The following B3GALT1 variants were observed in gnomAD, a reference collection of about 807,000 sequenced individuals.
The protein encoded by B3GALT1 is UDP-Gal:betaGlcNAc beta 1,3-galactosyltransferase, polypeptide 1.
Under a neutral mutation model 23.2 loss-of-function variants are expected in B3GALT1, and 10 were observed. That is an observed-to-expected ratio of 0.43 (90% CI 0.27 to 0.73). The LOEUF (loss-of-function observed/expected upper bound fraction) is 0.73, where lower values mean the gene tolerates loss of function less well. Ranked by LOEUF, B3GALT1 falls within the 30% of genes least tolerant of loss-of-function variation. The probability of loss-of-function intolerance (pLI) is 0.21; values close to 1 mark genes in which losing one functional copy is unlikely to be tolerated. For synonymous variants in B3GALT1, 156 were observed against 141.5 expected (o/e 1.10, Z -0.73); for missense variants, 299 against 405.4 (o/e 0.74, Z 2.25).
intron 4 of B3GALT1, among the ~76,000 whole-genome samples, 140 bp from the exon 5 acceptor site, chr2:167,868,671 A>G (rs1365256214): frequency 6.6e-6 from 1 of 152,138 alleles, no homozygotes; most frequent in Non-Finnish European, 1.5e-5. Flanking sequence ...TATGACAGGA[A>G]GTTTTTGGTA....
At chr2:167,668,493 C>T (rs59111998) in intron 3 of B3GALT1, among the ~76,000 whole-genome samples, 14,552 of 152,178 alleles carry the variant, frequency 0.096, 1,663 homozygotes, top group African/African-American at 0.25. Flanking sequence ...TCGAGCTTCC[C>T]GGCTGCTTTG....
intron 1 of B3GALT1, among the ~76,000 whole-genome samples, chr2:167,467,424 C>G (rs1699365592): frequency 6.6e-6 from 1 of 152,042 alleles, no homozygotes; most frequent in South Asian, 2.1e-4. Context: ...AATGTCACAT[C>G]AAGATTTTTA....
At chr2:167,516,560 G>A (rs1231863816) in intron 2 of B3GALT1, among the ~76,000 whole-genome samples, 3 of 151,806 alleles carry the variant, frequency 2.0e-5, no homozygotes, top group Non-Finnish European at 4.4e-5. Context: ...AACTCTATAG[G>A]CCTCTATATA....
rs1192676069 is a variant in B3GALT1 at position 167,871,935 on chromosome 2, T to C, written c.*1915T>C. The C allele has an allele frequency of 7.7e-6, 1 of 129,416 alleles. No individual in the cohort carries two copies. The highest frequency in any genetic ancestry group is 2.8e-5 in the African/African-American group (1 of 35,126). The allele number at this position is 129,416 out of a possible 1,614,324, so 8.0% of individuals were successfully genotyped here. On this transcript the variant is annotated 3_prime_UTR_variant, in exon 5 of 5. Transcript: ENST00000392690. ...TTTTTTTTTTGAGACGGAGTCTAGC[T>C]CTGTGGCCCAGGCGGGAGTGCAGTG...
rs1265054678 is a variant in B3GALT1, at chr2:167,873,124, T to C, written c.*3104T>C. On this transcript the variant is annotated 3_prime_UTR_variant, in exon 5 of 5. Transcript: ENST00000392690. ...CCCTGACATAAAATATGCAATGTTT[T>C]AGACAGTATTCTACCAAGAGTCTCT... 6.6e-6 allele frequency: 1 copy of C among 152,174 alleles called. No individual in the cohort carries two copies. Among genetic ancestry groups the C allele is most frequent in the Non-Finnish European group, 1.5e-5 (1 of 68,028 alleles). The allele number at this position is 152,174 out of a possible 1,614,324, so 9.4% of individuals were successfully genotyped here. A position where few individuals can be genotyped will look rare whatever the true frequency, so the allele number is the denominator to read the frequency against.
At chr2:167,735,354 T>C (rs1301263201) in intron 3 of B3GALT1, among the ~76,000 whole-genome samples, 1 of 152,226 alleles carries the variant, frequency 6.6e-6, no homozygotes, top group Non-Finnish European at 1.5e-5. Context: ...CTCCAGCATT[T>C]GGCAGATGAA....
At chr2:167,310,385 A>G (rs943404861) in intron 1 of B3GALT1, among the ~76,000 whole-genome samples, 4 of 152,240 alleles carry the variant, frequency 2.6e-5, no homozygotes, top group South Asian at 2.1e-4. Flanking sequence ...AGAAAGGGCA[A>G]AAACACTGAT....
intron 3 of B3GALT1, among the ~76,000 whole-genome samples, chr2:167,770,329 G>T (rs1454303139): frequency 6.6e-6 from 1 of 152,090 alleles, no homozygotes; most frequent in Admixed American, 6.5e-5. Flanking sequence ...ATATCATTGT[G>T]GTTTTAATTT....
At chr2:167,668,210 G>T (rs932299525) in intron 3 of B3GALT1, among the ~76,000 whole-genome samples, 1 of 151,860 alleles carries the variant, frequency 6.6e-6, no homozygotes, top group Non-Finnish European at 1.5e-5. Flanking sequence ...ATACCCGACC[G>T]CGTGAGGTGT....
intron 3 of B3GALT1, among the ~76,000 whole-genome samples, chr2:167,709,455 A>G (rs1001354223): frequency 3.3e-5 from 5 of 152,206 alleles, no homozygotes; most frequent in Non-Finnish European, 7.3e-5. Flanking sequence ...CCCCTATTCT[A>G]ACTGGTGCCC....
At chr2:167,440,899 C>T (rs959491546) in intron 1 of B3GALT1, among the ~76,000 whole-genome samples, 1 of 151,854 alleles carries the variant, frequency 6.6e-6, no homozygotes, top group African/African-American at 2.4e-5. Flanking sequence ...CTTTAGCCTT[C>T]AATATTATTA....
Position 167,822,134 on chromosome 2 carries a change from A to G in B3GALT1, c.-230+3341A>G, listed in dbSNP as rs548056233. Among the ~76,000 whole-genome samples, 52 of 152,282 alleles carry G rather than the reference A, an allele frequency of 3.4e-4. 2 individuals are homozygous for G. In the South Asian group the frequency reaches 0.01, roughly 30 times the overall value. On this transcript the variant is annotated intron_variant, in intron 4 of 4. Transcript: ENST00000392690. ...AAAACCCTGCTTTTTCCTCTTTATT[A>G]TGTAGACTAGAATGTCAAAGTCTCC...
intron 2 of B3GALT1, among the ~76,000 whole-genome samples, chr2:167,614,243 T>A (rs1277858162): frequency 6.6e-6 from 1 of 151,040 alleles, no homozygotes; most frequent in Non-Finnish European, 1.5e-5. Context: ...TGTCCCACAC[T>A]ATAGTATATG....
intron 2 of B3GALT1, among the ~76,000 whole-genome samples, chr2:167,566,205 C>A (rs1042779021): frequency 3.3e-5 from 5 of 152,118 alleles, no homozygotes; most frequent in Admixed American, 6.5e-5. Flanking sequence ...TTTGTAGGAA[C>A]ATGGATGAAA....
chr2:167,676,484 C>A (rs1686427846), intron 3 of B3GALT1, among the ~76,000 whole-genome samples: 1 of 150,650 alleles, frequency 6.6e-6, no homozygotes, highest in Admixed American at 6.7e-5. Context: ...TATATATACA[C>A]ACACACACAC....
At chr2:167,710,032 C>G (rs1042260348) in intron 3 of B3GALT1, among the ~76,000 whole-genome samples, 3 of 152,064 alleles carry the variant, frequency 2.0e-5, no homozygotes, top group African/African-American at 7.2e-5. Context: ...ACCCAGCACA[C>G]TGGGTACCCA....
chr2:167,461,064 T>G (rs1425080845), intron 1 of B3GALT1, among the ~76,000 whole-genome samples: 1 of 151,950 alleles, frequency 6.6e-6, no homozygotes, highest in Non-Finnish European at 1.5e-5. Flanking sequence ...CTTGCAACAA[T>G]GGGAGGGGGA....
chr2:167,703,461 A>G (rs1370639019), intron 3 of B3GALT1, among the ~76,000 whole-genome samples: 1 of 150,854 alleles, frequency 6.6e-6, no homozygotes, highest in Non-Finnish European at 1.5e-5. Flanking sequence ...TACGTTTTGT[A>G]TTTTTTTTCT....
At chr2:167,844,401 G>C (rs1473220783) in intron 4 of B3GALT1, among the ~76,000 whole-genome samples, 1 of 152,204 alleles carries the variant, frequency 6.6e-6, no homozygotes, top group Non-Finnish European at 1.5e-5. Context: ...CAGGACTCGG[G>C]AGACATCCCA....
Sources: gnomAD v4.1 joint callset for allele counts (sites outside exome capture counted in the v4.1 genomes callset) on GRCh38, gnomAD v4.1.1 for gene constraint, MANE v1.5 for transcripts, NCBI Gene and HGNC (gene_info 2026-07-23, HGNC 2026-07-21) for gene names.